The following ZRANB3 variants were observed in gnomAD, a reference collection of about 807,000 sequenced individuals.
The protein encoded by ZRANB3 is DNA annealing helicase and endonuclease ZRANB3.
In ZRANB3, 125 loss-of-function variants were observed where a neutral mutation model predicts 133.8. The ratio of observed to expected loss-of-function variants is 0.93; its 90% CI spans 0.81 to 1.08. The LOEUF is 1.08. Among genes scored for constraint, ZRANB3 ranks in the 50% least tolerant of loss-of-function variants. The pLI is 0.00. For synonymous variants in ZRANB3, 387 were observed against 432.7 expected, an observed-to-expected ratio of 0.89 and a Z score of 1.31; for missense variants, 1,229 against 1,275.5, an observed-to-expected ratio of 0.96 and a Z score of 0.56.
chr2:135,212,616 G>A (rs926845262), intron 17 of ZRANB3, among the ~76,000 whole-genome samples: 2 of 152,260 alleles, frequency 1.3e-5, no homozygotes, highest in East Asian at 1.9e-4. Flanking sequence ...GCAAGTTGCC[G>A]ATACTTAATT....
intron 2 of ZRANB3, among the ~76,000 whole-genome samples, chr2:135,429,979 T>C (rs937532804): frequency 6.6e-6 from 1 of 152,012 alleles, no homozygotes; most frequent in Non-Finnish European, 1.5e-5. Context: ...GCCCAGTAGT[T>C]AGGCAACATG....
At chr2:135,404,883 C>A (rs1457930062) in intron 2 of ZRANB3, among the ~76,000 whole-genome samples, 1 of 152,158 alleles carries the variant, frequency 6.6e-6, no homozygotes, top group East Asian at 1.9e-4. Flanking sequence ...ATGTAAAGAC[C>A]ATCGAGGCTA....
intron 1 of ZRANB3, among the ~76,000 whole-genome samples, chr2:135,516,084 C>T (rs1163986422): frequency 6.6e-6 from 1 of 151,952 alleles, no homozygotes; most frequent in Non-Finnish European, 1.5e-5. Context: ...TTACCAGACA[C>T]TAGGATTGCA....
At chr2:135,465,590 C>CA (rs1244442302) in intron 2 of ZRANB3, among the ~76,000 whole-genome samples, 2 of 151,590 alleles carry the variant, frequency 1.3e-5, no homozygotes, top group Non-Finnish European at 2.9e-5. Context: ...CACAGGAATT[C>CA]AAAAAAAATA....
In ZRANB3 at chr2:135,485,650, G is replaced by T. The variant is rs147147683; in HGVS notation, c.161+18679C>A. Among the ~76,000 whole-genome samples the T allele has an allele frequency of 1.2e-4, 19 of 152,290 alleles. No individual in the cohort carries two copies. The East Asian group carries it at 1.7e-3, about 14-fold the overall frequency. ...ACAGGCATACCTTGGAGATATTGCG[G>T]GTTCCGTTCCAGATCACGTCAACAA... On this transcript the variant is annotated intron_variant, in intron 2 of 20. Transcript: ENST00000264159.
intron 17 of ZRANB3, among the ~76,000 whole-genome samples, chr2:135,213,865 T>A (rs903733808): frequency 2.0e-5 from 3 of 152,170 alleles, no homozygotes; most frequent in Non-Finnish European, 1.5e-5. Context: ...GGGCCCAATG[T>A]AATCACTTGA....
Position 135,391,705 on chromosome 2 carries a change from G to A in ZRANB3, c.162-885C>T, listed in dbSNP as rs150581684. Among the ~76,000 whole-genome samples the A allele has an allele frequency of 3.1e-3, 470 of 151,002 alleles. 2 individuals carry two copies. The highest frequency in any genetic ancestry group is 0.01 in the African/African-American group (427 of 41,144). ...TGCTATTCTCCTGCCTCAGCCTCCC[G>A]AGTAGCTGGGACTACAAGCACCTGT... On this transcript the variant is annotated intron_variant, in intron 2 of 20. Transcript: ENST00000264159.
At chr2:135,412,965 C>A (rs1176990777) in intron 2 of ZRANB3, among the ~76,000 whole-genome samples, 1 of 151,926 alleles carries the variant, frequency 6.6e-6, no homozygotes, top group Non-Finnish European at 1.5e-5. Context: ...TATTATGTAC[C>A]TTGAAATTAT....
At chr2:135,391,801 G>A (rs977010623) in intron 2 of ZRANB3, among the ~76,000 whole-genome samples, 36 of 152,078 alleles carry the variant, frequency 2.4e-4, no homozygotes, top group Non-Finnish European at 4.0e-4. Flanking sequence ...GGATGGTCTC[G>A]ATCTCCTGAC....
intron 1 of ZRANB3, among the ~76,000 whole-genome samples, chr2:135,515,898 A>G (rs1262792141): frequency 6.6e-6 from 1 of 152,120 alleles, no homozygotes; most frequent in East Asian, 1.9e-4. Flanking sequence ...TCCTACTATT[A>G]TCGTATGGAA....
chr2:135,359,325 T>C (rs930072423), intron 3 of ZRANB3, among the ~76,000 whole-genome samples: 1 of 152,156 alleles, frequency 6.6e-6, no homozygotes, highest in African/African-American at 2.4e-5. Flanking sequence ...AGATCACATC[T>C]GTAATCCCAA....
intron 2 of ZRANB3, among the ~76,000 whole-genome samples, chr2:135,475,633 G>A (rs897606918): frequency 4.6e-5 from 7 of 152,114 alleles, no homozygotes. Context: ...TTAAAACAAT[G>A]CTAAGCACTA....
At chr2:135,353,939 C>T (rs540817423) in intron 3 of ZRANB3, among the ~76,000 whole-genome samples, 34 of 152,010 alleles carry the variant, frequency 2.2e-4, no homozygotes, top group Non-Finnish European at 3.5e-4. Context: ...AGGAAGTTGA[C>T]GCTACAGTGA....
At chr2:135,427,363 C>T (rs905194282) in intron 2 of ZRANB3, among the ~76,000 whole-genome samples, 11 of 152,048 alleles carry the variant, frequency 7.2e-5, no homozygotes, top group African/African-American at 1.7e-4. Flanking sequence ...ACTTAAGCAA[C>T]GCCACAGGAT....
At chr2:135,266,316 A>G (rs1165451108) in intron 11 of ZRANB3, among the ~76,000 whole-genome samples, 5 of 152,222 alleles carry the variant, frequency 3.3e-5, no homozygotes, top group Non-Finnish European at 5.9e-5. Context: ...AAACAAATTG[A>G]AACCTTTTAC....
intron 8 of ZRANB3, among the ~76,000 whole-genome samples, chr2:135,277,135 C>G (rs1006015080): frequency 1.3e-5 from 2 of 152,070 alleles, no homozygotes; most frequent in African/African-American, 4.8e-5. Flanking sequence ...TGAGATCTGC[C>G]CCTCTGTCCC....
chr2:135,395,806 A>G (rs1192734920), intron 2 of ZRANB3, among the ~76,000 whole-genome samples: 1 of 152,132 alleles, frequency 6.6e-6, no homozygotes, highest in Non-Finnish European at 1.5e-5. Context: ...CAACCAAATA[A>G]AATGGACAAA....
chr2:135,481,050 T>C (rs1419707468), intron 2 of ZRANB3, among the ~76,000 whole-genome samples: 6 of 152,132 alleles, frequency 3.9e-5, no homozygotes, highest in African/African-American at 1.4e-4. Flanking sequence ...GTCTTTGTTA[T>C]TGTGAATAAT....
chr2:135,527,445 G>A (rs1481106039), intron 1 of ZRANB3, among the ~76,000 whole-genome samples: 1 of 151,964 alleles, frequency 6.6e-6, no homozygotes, highest in East Asian at 1.9e-4. Context: ...TATAATCCCA[G>A]CTACTCAGGA....
Sources: gnomAD v4.1 joint callset for allele counts (sites outside exome capture counted in the v4.1 genomes callset) on GRCh38, gnomAD v4.1.1 for gene constraint, MANE v1.5 for transcripts, NCBI Gene and HGNC (gene_info 2026-07-23, HGNC 2026-07-21) for gene names.